GFPT2: variants seen among roughly 807,000 people sequenced by gnomAD.
The protein encoded by GFPT2 is glutamine--fructose-6-phosphate transaminase 2.
In GFPT2, 62 loss-of-function variants were observed where a neutral mutation model predicts 85.6. The observed-to-expected ratio is 0.72, with a 90% CI of 0.59 to 0.90. The LOEUF (loss-of-function observed/expected upper bound fraction) is 0.90. Ranked by LOEUF, GFPT2 falls within the 40% of genes least tolerant of loss-of-function variation. The pLI is 0.00. For synonymous variants in GFPT2, 368 were observed against 344.5 expected (o/e 1.07, Z -0.75); for missense variants, 788 against 893.4 (o/e 0.88, Z 1.50).
intron 15 of GFPT2, among the ~76,000 whole-genome samples, chr5:180,308,550 G>A (rs1454445861): frequency 6.6e-6 from 1 of 152,116 alleles, no homozygotes; most frequent in South Asian, 2.1e-4. Flanking sequence ...GGAAAAGCGA[G>A]GAGTATTTAA....
chr5:180,324,341 G>T, intron 8 of GFPT2, 36 bp from the exon 9 acceptor site: 1 of 1,177,754 alleles, frequency 8.5e-7, no homozygotes, highest in Non-Finnish European at 1.3e-6. Flanking sequence ...AATCCCACTG[G>T]GATGTTTTGT....
rs560606372 is a variant in GFPT2, at chr5:180,340,246, G to A, written c.8-1646C>T. ...TTTGAGACAGAGTTTCATTCTTGTT[G>A]CCCAGGCTGGAGTGCAATGGCACGA... On this transcript the variant is annotated intron_variant, in intron 1 of 18. Transcript: ENST00000253778. Among the ~76,000 whole-genome samples the A allele has an allele frequency of 4.0e-5, 6 of 151,168 alleles. No homozygotes were observed. The East Asian group carries it at 1.2e-3, about 29-fold the overall frequency.
At chr5:180,335,577 G>C (rs1365093132) in intron 4 of GFPT2, among the ~76,000 whole-genome samples, 1 of 152,246 alleles carries the variant, frequency 6.6e-6, no homozygotes, top group East Asian at 1.9e-4. Context: ...AGCTCTCCTG[G>C]TTAAGTGCCA....
intron 18 of GFPT2, 73 bp downstream of exon 18, chr5:180,302,350 T>G: frequency 9.2e-7 from 1 of 1,092,846 alleles, no homozygotes; most frequent in Non-Finnish European, 1.3e-6. Context: ...TTACTCCAAG[T>G]ATTTAAAGAA....
Position 180,347,065 on chromosome 5 carries a change from A to C in GFPT2, c.7+6146T>G, listed in dbSNP as rs114537287. On this transcript the variant is annotated intron_variant, in intron 1 of 18. Coordinates refer to ENST00000253778, the MANE Select transcript of GFPT2 (RefSeq NM_005110.4). Reference sequence around the variant, plus strand: ...CATTGAAGAGACAGGGGATGGACCCAGCCAGGTGGGGGATGCTGAGCGCCC... The same window carrying C: ...CATTGAAGAGACAGGGGATGGACCCCGCCAGGTGGGGGATGCTGAGCGCCC... 1.9e-3 allele frequency among the ~76,000 whole-genome samples: 293 copies of C among 152,330 alleles called. 1 individual carries two copies. Among genetic ancestry groups the C allele is most frequent in the African/African-American group, 6.8e-3 (284 of 41,578 alleles).
At position 180,331,527 on chromosome 5, in the gene GFPT2, T is replaced by G. The variant is rs1386606714; in HGVS notation, c.367A>C (p.Ile123Leu). ...NEFVVIHNGIITNYKDLRKFL... is the reference protein window; with the variant it reads ...NEFVVIHNGILTNYKDLRKFL... The stretch of plus-strand genomic sequence containing the variant: ...TTCCTCAGATCTTTGTAATTTGTGA[T>G]GATCCCATTGTGGATGACAACAAAT... Residue 123 changes from isoleucine to leucine, a missense_variant, in exon 5 of 19, where the codon ATC (isoleucine) becomes CTC (leucine). Physicochemically the swap from Ile to Leu is conservative, Grantham distance 5 (BLOSUM62 2). Coordinates refer to ENST00000253778, the MANE Select transcript of GFPT2 (RefSeq NM_005110.4). 2 of 1,594,384 alleles carry G rather than the reference T, an allele frequency of 1.3e-6. No homozygotes were observed. The highest frequency in any genetic ancestry group is 1.7e-6 in the Non-Finnish European group (2 of 1,162,058).
intron 6 of GFPT2, among the ~76,000 whole-genome samples, chr5:180,329,452 G>C (rs867163791): frequency 3.3e-5 from 5 of 152,334 alleles, no homozygotes; most frequent in Middle Eastern, 6.8e-3. Context: ...CATTATGAGA[G>C]AGGTATTTCT....
At chr5:180,319,042 G>T in intron 9 of GFPT2, 86 bp from the exon 10 acceptor site, 2 of 1,305,946 alleles carry the variant, frequency 1.5e-6, no homozygotes, top group South Asian at 1.3e-5. Context: ...AAGCGTGGAG[G>T]CCACATCGTT....
rs150838464 is a variant in GFPT2 at position 180,325,433 on chromosome 5, G to A, written c.597-538C>T. Among the ~76,000 whole-genome samples, 195 of 152,308 alleles carry A rather than the reference G, an allele frequency of 1.3e-3. 2 individuals are homozygous for A. Among genetic ancestry groups the A allele is most frequent in the African/African-American group, 4.3e-3 (180 of 41,566 alleles). ...TTCTCTACTTTGTAGGTGACATAAG[G>A]TGATTTCTTGGGTGGTTTTTTGTCT... On this transcript the variant is annotated intron_variant, in intron 7 of 18. Coordinates refer to ENST00000253778, the MANE Select transcript of GFPT2 (RefSeq NM_005110.4).
At chr5:180,302,216 G>C (rs1403227424) in intron 18 of GFPT2, among the ~76,000 whole-genome samples, 2 of 151,494 alleles carry the variant, frequency 1.3e-5, no homozygotes, top group African/African-American at 4.8e-5. Flanking sequence ...GAACCCAGGA[G>C]GTGGAGCTTG....
chr5:180,342,974 C>T (rs968553979), intron 1 of GFPT2, among the ~76,000 whole-genome samples: 15 of 152,026 alleles, frequency 9.9e-5, no homozygotes, highest in Admixed American at 9.8e-4. Context: ...GGGACATGGT[C>T]AAATTGTGGT....
intron 8 of GFPT2, 61 bp from the exon 9 acceptor site, chr5:180,324,366 G>A: frequency 1.0e-6 from 1 of 958,120 alleles, no homozygotes; most frequent in Non-Finnish European, 1.6e-6. Flanking sequence ...ATAATATGCA[G>A]CAAGGAACCA....
At chr5:180,313,519 G>A (rs1763937715) in intron 14 of GFPT2, among the ~76,000 whole-genome samples, 1 of 151,656 alleles carries the variant, frequency 6.6e-6, no homozygotes, top group Non-Finnish European at 1.5e-5. Flanking sequence ...GAACCCGGGA[G>A]GCGGAGCTTG....
rs368601222 is a variant in GFPT2, at chr5:180,316,365, C to T, written c.1249G>A (p.Val417Ile). 24 of 1,614,010 alleles carry T rather than the reference C, an allele frequency of 1.5e-5. No individual in the cohort carries two copies. The highest frequency in any genetic ancestry group is 2.2e-5 in the South Asian group (2 of 91,082). The part of the protein sequence containing the change: ...DRNTPVFRDD[V>I]CFFISQSGET... ...CCTGACTGGCTGATGAAAAAGCAAA[C>T]GTCATCCCTGAACACAGGTGTGTTC... The change falls in exon 13 of 19, where the codon GTT becomes ATT. Residue 417 changes from valine to isoleucine, a missense_variant. By Grantham distance (29) the Val-to-Ile change is conservative. Transcript: ENST00000253778.
intron 1 of GFPT2, among the ~76,000 whole-genome samples, chr5:180,350,676 C>A (rs1239508276): frequency 1.4e-5 from 2 of 145,888 alleles, no homozygotes; most frequent in Non-Finnish European, 3.1e-5. Context: ...AATTTTCTGT[C>A]GCAGAAAGTC....
chr5:180,324,825 A>AT lies in GFPT2; in HGVS notation c.666dup (p.Tyr223IlefsTer14). The AT allele has an allele frequency of 6.3e-7, 1 of 1,595,992 alleles. No homozygotes were observed. The highest frequency in any genetic ancestry group is 8.6e-7 in the Non-Finnish European group (1 of 1,163,458). On this transcript the variant is annotated frameshift_variant, in exon 8 of 19. Transcript: ENST00000253778. LOFTEE classifies it high-confidence loss of function. The stretch of plus-strand genomic sequence containing the variant: ...TTCTTGAGAAACTTACACGTCCTGT[A>AT]TAAGATAGGGATCTGTTCTGTGGAG...
Position 180,328,325 on chromosome 5 carries a change from G to A in GFPT2, c.548C>T (p.Ala183Val), listed in dbSNP as rs890857504. ...GTAGTGGACACTCTTGAAAACCAGC[G>A]CGAATGCACCTTCCTGAAAACACAC... ...RVIQQLEGAF[A>V]LVFKSVHYPG... Residue 183 changes from alanine (A) to valine (V), a missense_variant, in exon 7 of 19, where the codon GCG becomes GTG. Coordinates refer to ENST00000253778, the MANE Select transcript of GFPT2 (RefSeq NM_005110.4). This position sits in a 1 kb window ranked among gnomAD's most constrained non-coding sequence, Gnocchi z 5.4. 10 of 1,612,988 alleles carry A rather than the reference G, an allele frequency of 6.2e-6. No homozygotes were observed. The highest frequency in any genetic ancestry group is 2.2e-5 in the South Asian group (2 of 91,060).
chr5:180,338,415 C>G, intron 2 of GFPT2, 78 bp downstream of exon 2: 2 of 598,120 alleles, frequency 3.3e-6, no homozygotes, highest in South Asian at 2.2e-5. Context: ...GGTTGTAAAC[C>G]CCCCTGCAGT....
At chr5:180,347,500 G>T (rs552919868) in intron 1 of GFPT2, among the ~76,000 whole-genome samples, 64 of 152,320 alleles carry the variant, frequency 4.2e-4, no homozygotes, top group Middle Eastern at 3.4e-3. Context: ...AAACTCAAGG[G>T]GATTCCAGAA....
Sources: allele counts gnomAD v4.1 joint callset (sites outside exome capture counted in the v4.1 genomes callset), GRCh38; gene constraint gnomAD v4.1.1; non-coding constraint Gnocchi (gnomAD v3.1); transcripts MANE v1.5; gene names NCBI Gene and HGNC (gene_info 2026-07-23, HGNC 2026-07-21).